The following CNTN5 variants were observed in gnomAD, a reference collection of about 807,000 sequenced individuals.
CNTN5 encodes the protein contactin-5.
Under a neutral mutation model 129.1 loss-of-function variants are expected in CNTN5, and 77 were observed. That is an observed-to-expected ratio of 0.60 (90% CI 0.50 to 0.72). The LOEUF (loss-of-function observed/expected upper bound fraction) is 0.72. Among genes scored for constraint, CNTN5 ranks in the 30% least tolerant of loss-of-function variants. The pLI is 0.00. For missense variants in CNTN5, 1,478 were observed against 1,328.8 expected, an observed-to-expected ratio of 1.11 and a Z score of -1.75; for synonymous variants, 509 against 465.6, an observed-to-expected ratio of 1.09 and a Z score of -1.20.
intron 1 of CNTN5, among the ~76,000 whole-genome samples, chr11:99,191,056 T>C (rs1272534534): frequency 2.0e-5 from 3 of 151,726 alleles, no homozygotes; most frequent in African/African-American, 7.2e-5. Context: ...CATAAAAGGA[T>C]GTTGATTTTG....
chr11:99,729,744 G>A (rs1565468699), intron 3 of CNTN5, among the ~76,000 whole-genome samples: 1 of 152,142 alleles, frequency 6.6e-6, no homozygotes, highest in Non-Finnish European at 1.5e-5. Context: ...ATCATGTCCT[G>A]TGCAGGGACA....
chr11:99,117,428 G>A (rs1464805332), intron 1 of CNTN5, among the ~76,000 whole-genome samples: 1 of 151,962 alleles, frequency 6.6e-6, no homozygotes, highest in Non-Finnish European at 1.5e-5. Flanking sequence ...TGCCTTTCCT[G>A]TTTTTGAACT....
intron 16 of CNTN5, among the ~76,000 whole-genome samples, chr11:100,225,604 T>G (rs1353239163): frequency 6.6e-6 from 1 of 152,074 alleles, no homozygotes; most frequent in East Asian, 1.9e-4. Flanking sequence ...ATGTATAACT[T>G]AATGAACAAT....
intron 6 of CNTN5, among the ~76,000 whole-genome samples, chr11:99,881,606 C>T (rs1043214414): frequency 6.6e-6 from 1 of 152,038 alleles, no homozygotes; most frequent in Non-Finnish European, 1.5e-5. Context: ...CTTGAGTCCT[C>T]AGGTAGTATA....
At chr11:100,003,550 A>G (rs1940007395) in intron 9 of CNTN5, among the ~76,000 whole-genome samples, 1 of 152,206 alleles carries the variant, frequency 6.6e-6, no homozygotes. Context: ...AAGGGAGGTC[A>G]TATTGTAAAA....
chr11:99,210,160 T>C (rs1859694176), intron 1 of CNTN5, among the ~76,000 whole-genome samples: 1 of 152,164 alleles, frequency 6.6e-6, no homozygotes, highest in South Asian at 2.1e-4. Flanking sequence ...CTTCTAATGT[T>C]GCAACCAGAT....
intron 6 of CNTN5, among the ~76,000 whole-genome samples, chr11:99,899,356 G>C (rs898038103): frequency 2.0e-5 from 3 of 151,972 alleles, no homozygotes; most frequent in Non-Finnish European, 4.4e-5. Context: ...GATGTTGCCT[G>C]TAGTTTGTCA....
At chr11:99,308,417 A>G (rs528757967) in intron 1 of CNTN5, among the ~76,000 whole-genome samples, 64 of 152,266 alleles carry the variant, frequency 4.2e-4, no homozygotes, top group Admixed American at 1.1e-3. Context: ...TATTGAGCAG[A>G]GCTTGGGACT....
intron 2 of CNTN5, among the ~76,000 whole-genome samples, chr11:99,450,968 A>G (rs1944280971): frequency 6.6e-6 from 1 of 152,046 alleles, no homozygotes; most frequent in Non-Finnish European, 1.5e-5. Context: ...CAAAGATAAG[A>G]TGTGTAAAAG....
intron 4 of CNTN5, among the ~76,000 whole-genome samples, chr11:99,843,671 C>T (rs1238039612): frequency 6.6e-6 from 1 of 151,938 alleles, no homozygotes; most frequent in African/African-American, 2.4e-5. Flanking sequence ...TTTATTATTA[C>T]ACATTGGAGA....
intron 15 of CNTN5, among the ~76,000 whole-genome samples, chr11:100,195,520 T>C (rs965936270): frequency 4.6e-5 from 7 of 151,950 alleles, no homozygotes; most frequent in Non-Finnish European, 7.4e-5. Context: ...GGACTCCTTA[T>C]TCCACGCAAA....
chr11:100,026,636 T>C (rs1941430606), intron 9 of CNTN5, among the ~76,000 whole-genome samples: 1 of 152,220 alleles, frequency 6.6e-6, no homozygotes, highest in Admixed American at 6.5e-5. Context: ...TAATCTGTCA[T>C]TTGGGGCATG....
At position 99,971,536 on chromosome 11, in the gene CNTN5, C is replaced by T. The variant is rs369543485; in HGVS notation, c.877+14527C>T. 6.6e-5 allele frequency among the ~76,000 whole-genome samples: 10 copies of T among 151,630 alleles called. 1 individual carries two copies. Among genetic ancestry groups the T allele is most frequent in the African/African-American group, 1.9e-4 (8 of 41,196 alleles). On this transcript the variant is annotated intron_variant, in intron 8 of 24. Transcript: ENST00000524871. Reference sequence around the variant, plus strand: ...CCAGCCTGGTGACAGAGTGACACTCCGTCACACACATTAAAAACAAAAAAC... The same window carrying T: ...CCAGCCTGGTGACAGAGTGACACTCTGTCACACACATTAAAAACAAAAAAC...
chr11:99,706,963 T>C (rs959169923), intron 3 of CNTN5, among the ~76,000 whole-genome samples: 9 of 151,260 alleles, frequency 6.0e-5, no homozygotes, highest in African/African-American at 2.2e-4. Flanking sequence ...TTGCAGACTA[T>C]GGCTAATCAC....
chr11:100,032,520 T>A (rs573870223), intron 9 of CNTN5, among the ~76,000 whole-genome samples: 1 of 151,894 alleles, frequency 6.6e-6, no homozygotes, highest in Non-Finnish European at 1.5e-5. Context: ...TATATATATA[T>A]ATAAAATAAA....
chr11:99,633,762 G>T (rs1951449764), intron 3 of CNTN5, among the ~76,000 whole-genome samples: 1 of 152,176 alleles, frequency 6.6e-6, no homozygotes, highest in Admixed American at 6.5e-5. Context: ...ATGTTTGTTT[G>T]TTTGTTTAAG....
chr11:99,618,587 G>A (rs967373179), intron 3 of CNTN5, among the ~76,000 whole-genome samples: 6 of 152,132 alleles, frequency 3.9e-5, no homozygotes, highest in Non-Finnish European at 7.4e-5. Flanking sequence ...AATAGATGTT[G>A]CCATTATTCT....
At chr11:99,195,441 T>A (rs1010144970) in intron 1 of CNTN5, among the ~76,000 whole-genome samples, 3 of 152,120 alleles carry the variant, frequency 2.0e-5, no homozygotes, top group African/African-American at 4.8e-5. Context: ...AATTTATTAA[T>A]ATCAGCAATC....
intron 3 of CNTN5, among the ~76,000 whole-genome samples, chr11:99,788,963 A>G (rs376785323): frequency 1.3e-5 from 2 of 151,902 alleles, no homozygotes; most frequent in East Asian, 1.9e-4. Context: ...CTCAAAATCT[A>G]GTAGCTTAAT....
Sources: allele counts gnomAD v4.1 joint callset (sites outside exome capture counted in the v4.1 genomes callset), GRCh38; gene constraint gnomAD v4.1.1; transcripts MANE v1.5; gene names NCBI Gene and HGNC (gene_info 2026-07-23, HGNC 2026-07-21).